Variants in ABCA13 observed in about 807,000 individuals in gnomAD.
The protein encoded by ABCA13 is ATP-binding cassette sub-family A member 13.
ABCA13 carries 476 observed loss-of-function variants against 478.7 expected under a neutral mutation model. That is an observed-to-expected ratio of 0.99 (90% CI 0.92 to 1.07). The LOEUF (loss-of-function observed/expected upper bound fraction) is 1.07. Among genes scored for constraint, ABCA13 ranks in the 50% least tolerant of loss-of-function variants. The pLI, the probability that ABCA13 is intolerant of heterozygous loss-of-function variation, is 0.00. For missense variants in ABCA13, 6,060 were observed against 5,910.6 expected, an observed-to-expected ratio of 1.03 and a Z score of -0.83; for synonymous variants, 2,252 against 2,158.9, an observed-to-expected ratio of 1.04 and a Z score of -1.20.
intron 27 of ABCA13, among the ~76,000 whole-genome samples, chr7:48,333,543 A>G (rs1297268779): frequency 2.6e-5 from 4 of 152,210 alleles, no homozygotes; most frequent in Non-Finnish European, 4.4e-5. Flanking sequence ...TCTAAGCAAT[A>G]TAATAGGAGA....
rs529190157 is a variant in ABCA13 at position 48,276,374 on chromosome 7, T to A, written c.6708T>A (p.Asn2236Lys). The change falls in exon 17 of 62, where the codon AAT becomes AAA. Residue 2236 changes from asparagine (N) to lysine (K), a missense_variant. Physicochemically the swap from Asn to Lys is moderately conservative, Grantham distance 94. Around this residue, in one of 3 missense-constraint regions of ABCA13, gnomAD observed 4,423 missense variants for 4,309.1 expected, o/e 1.03. Coordinates refer to ENST00000435803, the MANE Select transcript of ABCA13 (RefSeq NM_152701.5). ...ATGATACTGACCTTCAAATAATGAA[T>A]TTCATTAACCTTATCTTGAACCATA... Reference protein sequence around the residue: ...NLNDTDLQIMNFINLILNHMQ... With the variant: ...NLNDTDLQIMKFINLILNHMQ... 3 of 1,548,490 alleles carry A rather than the reference T, an allele frequency of 1.9e-6. No homozygotes were observed. Among genetic ancestry groups the A allele is most frequent in the Non-Finnish European group, 2.6e-6 (3 of 1,148,452 alleles).
rs1796032182 is a variant in ABCA13 at position 48,274,475 on chromosome 7, C to CTTCCATTTATCA, written c.4809_4810insTTCCATTTATCA (p.Tyr1603_Leu1604insPheHisLeuSer). ...ATTCCATTTATCACTTAGCTAGTTACCTTGCCTTCAGCTTATCTCATGACC... is the reference window on the plus strand; with the variant it reads ...ATTCCATTTATCACTTAGCTAGTTACTTCCATTTATCACTTGCCTTCAGCTTATCTCATGACC... On this transcript the variant is annotated inframe_insertion, in exon 17 of 62. Transcript: ENST00000435803. 1.2e-6 allele frequency: 2 copies of CTTCCATTTATCA among 1,613,728 alleles called. No homozygotes were observed. Among genetic ancestry groups the CTTCCATTTATCA allele is most frequent in the Non-Finnish European group, 1.7e-6 (2 of 1,179,848 alleles).
intron 42 of ABCA13, among the ~76,000 whole-genome samples, chr7:48,428,244 G>T (rs1311936938): frequency 6.6e-6 from 1 of 152,166 alleles, no homozygotes; most frequent in Non-Finnish European, 1.5e-5. Context: ...CACCCTCCTG[G>T]TAATGGATTT....
chr7:48,604,766 A>G (rs1585954508), intron 58 of ABCA13, among the ~76,000 whole-genome samples: 1 of 152,170 alleles, frequency 6.6e-6, no homozygotes, highest in South Asian at 2.1e-4. Flanking sequence ...AGCTGAGTTC[A>G]AGTCCTGGAT....
intron 6 of ABCA13, among the ~76,000 whole-genome samples, chr7:48,228,874 G>T (rs1171674005): frequency 2.0e-5 from 3 of 152,174 alleles, no homozygotes; most frequent in Non-Finnish European, 4.4e-5. Context: ...TATTCTGAGA[G>T]ATGCAAAATT....
intron 49 of ABCA13, among the ~76,000 whole-genome samples, chr7:48,507,016 A>G (rs138194526): frequency 6.6e-6 from 1 of 152,224 alleles, no homozygotes; most frequent in African/African-American, 2.4e-5. Context: ...CGCAGAATGC[A>G]AATCTGCTTA....
intron 29 of ABCA13, among the ~76,000 whole-genome samples, chr7:48,343,003 A>G (rs1191282308): frequency 6.6e-6 from 1 of 151,822 alleles, no homozygotes; most frequent in Non-Finnish European, 1.5e-5. Flanking sequence ...GTCTATTTTC[A>G]TCTAATTTTG....
At chr7:48,635,053 A>G (rs983487824) in intron 59 of ABCA13, among the ~76,000 whole-genome samples, 13 of 152,084 alleles carry the variant, frequency 8.5e-5, no homozygotes, top group Admixed American at 7.9e-4. Flanking sequence ...CAAATTTGCC[A>G]CTGGGAGGGC....
chr7:48,338,383 T>A lies in ABCA13; in HGVS notation c.10132T>A (p.Phe3378Ile). 1.3e-6 allele frequency: 2 copies of A among 1,598,664 alleles called. No homozygotes were observed. Among genetic ancestry groups the A allele is most frequent in the Non-Finnish European group, 1.7e-6 (2 of 1,172,384 alleles). ...NQLQEALRNK[F>I]VRNFVENQLH... The stretch of plus-strand genomic sequence containing the variant: ...TCTTTAGGAGGCCCTGAGAAACAAA[T>A]TTGTAAGAAACTTTGTAGAAAACCA... The change falls in exon 29 of 62, where the codon TTT becomes ATT. Residue 3378 changes from phenylalanine to isoleucine, a missense_variant. Coordinates refer to ENST00000435803, the MANE Select transcript of ABCA13 (RefSeq NM_152701.5).
intron 41 of ABCA13, among the ~76,000 whole-genome samples, chr7:48,415,848 A>G (rs990989399): frequency 6.6e-6 from 1 of 152,202 alleles, no homozygotes; most frequent in African/African-American, 2.4e-5. Context: ...TCCAGGTAAA[A>G]CATACATTTA....
chr7:48,587,117 G>C (rs370417149), intron 56 of ABCA13, 37 bp from the exon 57 acceptor site: 2 of 1,610,824 alleles, frequency 1.2e-6, no homozygotes, highest in Non-Finnish European at 1.7e-6. Context: ...GCACTTTGGT[G>C]AATGCTGGTG....
intron 48 of ABCA13, among the ~76,000 whole-genome samples, chr7:48,503,823 T>C (rs1830964002): frequency 6.6e-6 from 1 of 152,198 alleles, no homozygotes; most frequent in Non-Finnish European, 1.5e-5. Context: ...TAGAAATGGG[T>C]TTGCTGGAGC....
chr7:48,553,632 T>A (rs1171134245), intron 55 of ABCA13, among the ~76,000 whole-genome samples: 1 of 152,092 alleles, frequency 6.6e-6, no homozygotes, highest in African/African-American at 2.4e-5. Context: ...TCTATTCAGA[T>A]TTTTTGCCCA....
rs369296047 is a variant in ABCA13, at chr7:48,520,218, G to C, written c.13975G>C (p.Val4659Leu). ...FEMNFLGWIF[V>L]QLASQGTVLL... ...GATGAACTTTCTGGGCTGGATCTTC[G>C]TGCAACTGGCCTCGCAGGGCACAGT... The change falls in exon 53 of 62, where the codon GTG becomes CTG. Residue 4659 changes from valine (V) to leucine (L), a missense_variant. Physicochemically the swap from Val to Leu is conservative, Grantham distance 32. This residue lies in a region of ABCA13 where 1,627 missense variants were observed against 1,571.0 expected (regional missense o/e 1.04). Coordinates refer to ENST00000435803, the MANE Select transcript of ABCA13 (RefSeq NM_152701.5). 13 of 1,613,478 alleles carry C rather than the reference G, an allele frequency of 8.1e-6. No individual in the cohort carries two copies. Among genetic ancestry groups the C allele is most frequent in the African/African-American group, 1.3e-5 (1 of 74,852 alleles).
intron 55 of ABCA13, among the ~76,000 whole-genome samples, chr7:48,557,773 T>A (rs1785996848): frequency 6.6e-6 from 1 of 152,142 alleles, no homozygotes; most frequent in Admixed American, 6.6e-5. Flanking sequence ...CAATTAAAAG[T>A]AATTACCACA....
intron 15 of ABCA13, among the ~76,000 whole-genome samples, chr7:48,256,922 G>T (rs1793480113): frequency 6.6e-6 from 1 of 152,128 alleles, no homozygotes; most frequent in East Asian, 1.9e-4. Context: ...TAATAATATT[G>T]ATTCTTCTTA....
Position 48,271,794 on chromosome 7 carries a change from A to T in ABCA13, c.2128A>T (p.Asn710Tyr). 6.7e-7 allele frequency: 1 copy of T among 1,486,248 alleles called. No homozygotes were observed. 92.1% of individuals were successfully genotyped at this position (1,486,248 alleles called of 1,614,324 possible). A position where few individuals can be genotyped will look rare whatever the true frequency, so the allele number is the denominator to read the frequency against. Residue 710 changes from asparagine to tyrosine, a missense_variant, in exon 17 of 62, where the codon AAT becomes TAT. Coordinates refer to ENST00000435803, the MANE Select transcript of ABCA13 (RefSeq NM_152701.5). The part of the protein sequence containing the change: ...SPTASISRAL[N>Y]FTKHLLMMEK... ...ATTCTATTAATATTACAGGGCTTTA[A>T]ATTTCACAAAGCACCTTCTAATGAT...
At chr7:48,404,081 T>A in intron 39 of ABCA13, 1 of 614,924 alleles carries the variant, frequency 1.6e-6, no homozygotes, top group Non-Finnish European at 2.9e-6. Context: ...TACTTTGTGT[T>A]TGACCTTTTA....
rs570838064 is a variant in ABCA13, at chr7:48,296,541, G to A, written c.9119+678G>A. Among the ~76,000 whole-genome samples, 3 of 151,006 alleles carry A rather than the reference G, an allele frequency of 2.0e-5. No homozygotes were observed. The East Asian group carries it at 5.9e-4, about 30-fold the overall frequency. On this transcript the variant is annotated intron_variant, in intron 21 of 61. Transcript: ENST00000435803. ...GTGGCGCGATCTCGGCTCACTGCAA[G>A]CTCCACCTCCCGGGTTCACGCCATT... is the stretch of plus-strand genomic sequence containing the variant.
Sources: allele counts gnomAD v4.1 joint callset (sites outside exome capture counted in the v4.1 genomes callset), GRCh38; gene constraint gnomAD v4.1.1; regional missense constraint gnomAD v4.1.1; transcripts MANE v1.5; gene names NCBI Gene and HGNC (gene_info 2026-07-23, HGNC 2026-07-21).